KALRN: variants seen among roughly 807,000 people sequenced by gnomAD.
KALRN encodes the protein kalirin.
In KALRN, 70 loss-of-function variants were observed where a neutral mutation model predicts 353.7. The ratio of observed to expected loss-of-function variants is 0.20; its 90% CI spans 0.16 to 0.24. The LOEUF (loss-of-function observed/expected upper bound fraction) is 0.24. Among genes scored for constraint, KALRN ranks in the 10% least tolerant of loss-of-function variants. KALRN has a pLI of 1.00. For missense variants in KALRN, 2,791 were observed against 3,756.7 expected (o/e 0.74, Z 6.72); for synonymous variants, 1,391 against 1,434.8 (o/e 0.97, Z 0.69).
intron 37 of KALRN, among the ~76,000 whole-genome samples, chr3:124,649,152 G>A (rs1866676): frequency 0.038 from 5,796 of 152,198 alleles, 566 homozygotes; most frequent in East Asian, 0.34. Flanking sequence ...TATCTGCTTA[G>A]TGTTATGTTT....
chr3:124,180,630 C>G (rs187080441), intron 1 of KALRN, among the ~76,000 whole-genome samples: 1 of 152,252 alleles, frequency 6.6e-6, no homozygotes, highest in East Asian at 1.9e-4. Flanking sequence ...GAGGACCTCC[C>G]TCGTTGGACT....
intron 1 of KALRN, among the ~76,000 whole-genome samples, chr3:124,083,607 A>G (rs1231892442): frequency 1.3e-5 from 2 of 152,250 alleles, no homozygotes; most frequent in African/African-American, 2.4e-5. Flanking sequence ...AAATACTATT[A>G]TCATCCCCAT....
chr3:124,490,784 G>A lies in KALRN; in HGVS notation c.4487G>A (p.Arg1496Gln). ...CCGAAGTCGCTGATCCGGAAGGGGC[G>A]GGAGCGGCACTTGTTCCTCTTTGAG... Reference protein sequence around the residue: ...WDPKSLIRKGRERHLFLFEIS... With the variant: ...WDPKSLIRKGQERHLFLFEIS... Residue 1496 changes from arginine to glutamine, a missense_variant, in exon 30 of 60, where the codon CGG becomes CAG. Arg to Gln is a conservative substitution (Grantham distance 43). Transcript: ENST00000682506. 6.2e-7 allele frequency: 1 copy of A among 1,613,946 alleles called. No homozygotes were observed. Among genetic ancestry groups the A allele is most frequent in the Non-Finnish European group, 8.5e-7 (1 of 1,179,890 alleles).
At chr3:124,472,684 C>G (rs1385871803) in intron 25 of KALRN, among the ~76,000 whole-genome samples, 1 of 151,570 alleles carries the variant, frequency 6.6e-6, no homozygotes, top group African/African-American at 2.4e-5. Flanking sequence ...CCCTTTGGGT[C>G]TTAAACTAAG....
intron 1 of KALRN, among the ~76,000 whole-genome samples, chr3:124,091,919 A>G (rs1016027524): frequency 2.0e-5 from 3 of 152,178 alleles, no homozygotes; most frequent in Non-Finnish European, 4.4e-5. Context: ...GGAACATTTT[A>G]TTCAACTTCT....
intron 27 of KALRN, among the ~76,000 whole-genome samples, chr3:124,478,423 C>A (rs1434933153): frequency 6.6e-6 from 1 of 152,164 alleles, no homozygotes; most frequent in African/African-American, 2.4e-5. Context: ...ATCTTTCTAG[C>A]CTGGCACTGC....
At chr3:124,082,155 C>T in intron 1 of KALRN, 1 of 420,544 alleles carries the variant, frequency 2.4e-6, no homozygotes, top group South Asian at 1.8e-5. Flanking sequence ...GGCTGCATGG[C>T]TTCCCGGGCT....
chr3:124,667,301 C>A, intron 47 of KALRN, 118 bp downstream of exon 47: 1 of 855,420 alleles, frequency 1.2e-6, no homozygotes, highest in Non-Finnish European at 1.7e-6. Flanking sequence ...ATAGGTACTC[C>A]AACTTTGTAG....
intron 6 of KALRN, among the ~76,000 whole-genome samples, chr3:124,310,430 G>A (rs2078142967): frequency 6.6e-6 from 1 of 152,126 alleles, no homozygotes; most frequent in Non-Finnish European, 1.5e-5. Context: ...AAATTCATGT[G>A]GAATTTTAGG....
At chr3:124,102,090 C>T (rs2061915319) in intron 1 of KALRN, among the ~76,000 whole-genome samples, 1 of 152,066 alleles carries the variant, frequency 6.6e-6, no homozygotes, top group South Asian at 2.1e-4. Context: ...TTTTAATCAC[C>T]TTCTCATTTG....
At position 124,462,589 on chromosome 3, in the gene KALRN, T is replaced by C. The variant is rs773037924; in HGVS notation, c.3987T>C (p.His1329=). The change falls in exon 25 of 60, where the codon CAT becomes CAC. Residue 1329 remains histidine, a synonymous_variant. Coordinates refer to ENST00000682506, the MANE Select transcript of KALRN (RefSeq NM_001388419.1). ...CCCCTGGGATCCTCAATAAAGAGCA[T>C]ATCATCTTTGGCAACATCCAAGAGA... The part of the protein sequence containing the change: ...EIPPGILNKE[H]IIFGNIQEIY... 6.2e-7 allele frequency: 1 copy of C among 1,612,812 alleles called. No homozygotes were observed. The highest frequency in any genetic ancestry group is 8.5e-7 in the Non-Finnish European group (1 of 1,178,846).
At chr3:124,491,001 T>G (rs2063099660) in intron 30 of KALRN, 117 bp downstream of exon 30, 3 of 884,988 alleles carry the variant, frequency 3.4e-6, no homozygotes, top group Non-Finnish European at 5.1e-6. Context: ...AAAACCATCC[T>G]GGACAAATGA....
At chr3:124,482,784 T>C (rs1287916364) in intron 27 of KALRN, 24 bp from the exon 28 acceptor site, 7 of 1,520,104 alleles carry the variant, frequency 4.6e-6, no homozygotes, top group Non-Finnish European at 6.4e-6. Flanking sequence ...TGTGTCTAAT[T>C]GCACATTGTT....
chr3:124,579,661 T>C (rs1257748632), intron 34 of KALRN, among the ~76,000 whole-genome samples: 1 of 152,138 alleles, frequency 6.6e-6, no homozygotes, highest in East Asian at 1.9e-4. Flanking sequence ...TACCTCTCTC[T>C]CTCATCTTTT....
At chr3:124,692,009 G>A (rs1442402959) in intron 51 of KALRN, among the ~76,000 whole-genome samples, 1 of 152,214 alleles carries the variant, frequency 6.6e-6, no homozygotes, top group Non-Finnish European at 1.5e-5. Flanking sequence ...GTTTATCCAA[G>A]ATCAGTTCCC....
chr3:124,655,732 G>C, intron 39 of KALRN, 65 bp downstream of exon 39: 1 of 1,164,568 alleles, frequency 8.6e-7, no homozygotes, highest in Non-Finnish European at 1.3e-6. Flanking sequence ...CCCTACCTAG[G>C]CCAAGGTGTT....
intron 51 of KALRN, among the ~76,000 whole-genome samples, chr3:124,682,919 A>G (rs1398553888): frequency 6.6e-6 from 1 of 152,178 alleles, no homozygotes; most frequent in Non-Finnish European, 1.5e-5. Flanking sequence ...ATGCCACTGC[A>G]AGATTGGCTC....
At chr3:124,615,454 C>T (rs974277290) in intron 34 of KALRN, among the ~76,000 whole-genome samples, 4 of 152,058 alleles carry the variant, frequency 2.6e-5, no homozygotes, top group Non-Finnish European at 4.4e-5. Context: ...TAAGAGATGT[C>T]CTTGTTTTAA....
Position 124,496,301 on chromosome 3 carries a change from C to A in KALRN, c.4833-10C>A. 4 of 1,509,460 alleles carry A rather than the reference C, an allele frequency of 2.6e-6. No homozygotes were observed. Among genetic ancestry groups the A allele is most frequent in the Non-Finnish European group, 3.6e-6 (4 of 1,107,932 alleles). The allele number at this position is 1,509,460 out of a possible 1,614,324, so 93.5% of individuals were successfully genotyped here. ...CCCCCACCCCTGTTTTTTTTCTCTT[C>A]TTCCTGCAGGGATGGAGTGGAGGAT... On this transcript the variant is annotated splice_polypyrimidine_tract_variant and intron_variant, in intron 32 of 59. Transcript: ENST00000682506.
Sources: allele counts gnomAD v4.1 joint callset (sites outside exome capture counted in the v4.1 genomes callset), GRCh38; gene constraint gnomAD v4.1.1; transcripts MANE v1.5; gene names NCBI Gene and HGNC (gene_info 2026-07-23, HGNC 2026-07-21).